The following SCN3B variants were observed in gnomAD, a reference collection of about 807,000 sequenced individuals.
The protein encoded by SCN3B is sodium voltage-gated channel beta subunit 3.
Under a neutral mutation model 25.4 loss-of-function variants are expected in SCN3B, and 11 were observed. The ratio of observed to expected loss-of-function variants is 0.43; its 90% CI spans 0.27 to 0.72. The LOEUF is 0.72. Ranked by LOEUF, SCN3B falls within the 30% of genes least tolerant of loss-of-function variation. SCN3B has a pLI of 0.18. For synonymous variants in SCN3B, 109 were observed against 110.7 expected (o/e 0.99, Z 0.09); for missense variants, 218 against 278.3 (o/e 0.78, Z 1.54).
At chr11:123,652,006 A>C (rs1257906069) in intron 2 of SCN3B, among the ~76,000 whole-genome samples, 1 of 152,108 alleles carries the variant, frequency 6.6e-6, no homozygotes, top group African/African-American at 2.4e-5. Context: ...CAAAGCTGAG[A>C]CTCCAATGCA....
At chr11:123,650,407 A>G (rs930331128) in intron 2 of SCN3B, among the ~76,000 whole-genome samples, 1 of 152,186 alleles carries the variant, frequency 6.6e-6, no homozygotes, top group African/African-American at 2.4e-5. Context: ...ATTTCCAAAA[A>G]GGGGTAATAA....
chr11:123,654,305 C>T lies in SCN3B; in HGVS notation c.-105G>A, dbSNP rs887935631. On this transcript the variant is annotated 5_prime_UTR_variant, in exon 1 of 7. Transcript: ENST00000299333. The stretch of plus-strand genomic sequence containing the variant: ...GCTCCTGCTTCGTCCGCCCTAACTG[C>T]TTCTCCAGCTGGGCGTGACCCCACT... 1 of 170,014 alleles carries T rather than the reference C, an allele frequency of 5.9e-6. No homozygotes were observed. Among genetic ancestry groups the T allele is most frequent in the East Asian group, 1.6e-4 (1 of 6,382 alleles). The allele number at this position is 170,014 out of a possible 1,614,324, so 10.5% of individuals were successfully genotyped here. A position where few individuals can be genotyped will look rare whatever the true frequency, so the allele number is the denominator to read the frequency against.
intron 5 of SCN3B, 55 bp downstream of exon 5, chr11:123,638,131 G>A: frequency 6.2e-7 from 1 of 1,605,518 alleles, no homozygotes; most frequent in Admixed American, 1.7e-5. Flanking sequence ...ACCTGTGAGA[G>A]CAAGCATTCT....
Position 123,634,107 on chromosome 11 carries a change from T to A in SCN3B, c.*22+14A>T, listed in dbSNP as rs1955700088. 4 of 1,599,356 alleles carry A rather than the reference T, an allele frequency of 2.5e-6. No homozygotes were observed. The South Asian group carries it at 4.4e-5, about 18-fold the overall frequency. On this transcript the variant is annotated intron_variant, in intron 6 of 6. Transcript: ENST00000299333. ...TCCACATCTGCCTTCCCCTCCCATG[T>A]TCCTGTAGGTCACCTCATGTCACAC...
At chr11:123,647,348 G>T (rs1475704366) in intron 2 of SCN3B, among the ~76,000 whole-genome samples, 1 of 152,024 alleles carries the variant, frequency 6.6e-6, no homozygotes, top group East Asian at 1.9e-4. Context: ...GCCAAACATG[G>T]TAACACACAA....
chr11:123,643,505 A>G (rs1955813718), intron 3 of SCN3B, among the ~76,000 whole-genome samples: 2 of 152,228 alleles, frequency 1.3e-5, no homozygotes, highest in African/African-American at 4.8e-5. Flanking sequence ...GTTAAATACA[A>G]TGTAAAATTC....
intron 2 of SCN3B, among the ~76,000 whole-genome samples, chr11:123,651,459 G>A (rs1224513296): frequency 1.3e-5 from 2 of 152,052 alleles, no homozygotes; most frequent in Non-Finnish European, 2.9e-5. Flanking sequence ...CACCTCCCAG[G>A]TTCAAGCAAT....
intron 5 of SCN3B, among the ~76,000 whole-genome samples, chr11:123,634,949 G>C (rs1955709281): frequency 6.6e-6 from 1 of 152,134 alleles, no homozygotes; most frequent in Non-Finnish European, 1.5e-5. Context: ...TTTGCTTATG[G>C]AGTCTTCTAA....
chr11:123,640,755 G>A (rs933772426), intron 4 of SCN3B: 11 of 152,196 alleles, frequency 7.2e-5, no homozygotes, highest in African/African-American at 2.2e-4. Flanking sequence ...ACTTGCATAT[G>A]ACCTCACTCA....
intron 3 of SCN3B, among the ~76,000 whole-genome samples, chr11:123,643,057 TAGAG>T (rs371926870): frequency 4.6e-4 from 70 of 152,082 alleles, no homozygotes; most frequent in African/African-American, 1.1e-3. Context: ...TGTAAAAAGA[TAGAG>T]AGAACAAGAG....
chr11:123,643,152 T>C (rs1052878393), intron 3 of SCN3B, among the ~76,000 whole-genome samples: 1 of 152,126 alleles, frequency 6.6e-6, no homozygotes, highest in African/African-American at 2.4e-5. Flanking sequence ...AATGAAGACA[T>C]ATGAAAGCCC....
intron 3 of SCN3B, among the ~76,000 whole-genome samples, chr11:123,644,710 A>G (rs12421510): frequency 0.096 from 14,304 of 149,064 alleles, 869 homozygotes; most frequent in East Asian, 0.18. Context: ...GGTGGAGGTT[A>G]CAGTAAGCGA....
chr11:123,638,713 A>G (rs1484401531), intron 4 of SCN3B: 1 of 324,642 alleles, frequency 3.1e-6, no homozygotes, highest in Non-Finnish European at 6.0e-6. Context: ...TGAATATTAC[A>G]TTATCTAATG....
At chr11:123,653,612 A>G (rs1955957439) in intron 2 of SCN3B, 135 bp downstream of exon 2, 10 of 997,966 alleles carry the variant, frequency 1.0e-5, no homozygotes, top group East Asian at 2.4e-5. Flanking sequence ...AACCCCTGCC[A>G]TCTCCATGTC....
Position 123,647,370 on chromosome 11 carries a change from A to G in SCN3B, c.56-1620T>C, listed in dbSNP as rs113118953. On this transcript the variant is annotated intron_variant, in intron 2 of 6. Transcript: ENST00000299333. ...ATGGTAACACACAACTGTAGTCCCAACCACTCAGGAGGTAAGAGGATTGCT... is the reference window on the plus strand; with the variant it reads ...ATGGTAACACACAACTGTAGTCCCAGCCACTCAGGAGGTAAGAGGATTGCT... Among the ~76,000 whole-genome samples, 412 of 152,240 alleles carry G rather than the reference A, an allele frequency of 2.7e-3. 2 individuals are homozygous for G. Among genetic ancestry groups the G allele is most frequent in the East Asian group, 0.016 (83 of 5,174 alleles).
chr11:123,642,222 C>A lies in SCN3B; in HGVS notation c.445+224G>T, dbSNP rs900135278. Among the ~76,000 whole-genome samples the A allele has an allele frequency of 6.6e-6, 1 of 152,182 alleles. No individual in the cohort carries two copies. The highest frequency in any genetic ancestry group is 1.5e-5 in the Non-Finnish European group (1 of 68,038). ...AGAGCTCATTCTATCATCTCCAAGC[C>A]TTTCTGCTTTGAGGAAAGGCACAGA... is the stretch of plus-strand genomic sequence containing the variant. On this transcript the variant is annotated intron_variant, in intron 4 of 6. Coordinates refer to ENST00000299333, the MANE Select transcript of SCN3B (RefSeq NM_001040151.2). This position sits in a 1 kb window ranked among gnomAD's most constrained non-coding sequence, Gnocchi z 4.3.
At chr11:123,645,883 G>T in intron 2 of SCN3B, 133 bp from the exon 3 acceptor site, 1 of 923,760 alleles carries the variant, frequency 1.1e-6, no homozygotes, top group Non-Finnish European at 1.7e-6. Flanking sequence ...CCTGAAAAAA[G>T]CCACGTGCAC....
intron 2 of SCN3B, among the ~76,000 whole-genome samples, 179 bp downstream of exon 2, chr11:123,653,568 C>A (rs1022029098): frequency 2.0e-5 from 3 of 152,034 alleles, no homozygotes; most frequent in Admixed American, 2.0e-4. Flanking sequence ...GGTGGGGAGG[C>A]GCCTTTCCCA....
rs1464871943 is a variant in SCN3B at position 123,631,913 on chromosome 11, TTTAAGGTAAAGCCC to T, written c.*1872_*1885del. 6.6e-6 allele frequency: 1 copy of T among 152,168 alleles called. No individual in the cohort carries two copies. Among genetic ancestry groups the T allele is most frequent in the Non-Finnish European group, 1.5e-5 (1 of 68,028 alleles). The allele number at this position is 152,168 out of a possible 1,614,324, so 9.4% of individuals were successfully genotyped here. A position where few individuals can be genotyped will look rare whatever the true frequency, so the allele number is the denominator to read the frequency against. On this transcript the variant is annotated 3_prime_UTR_variant, in exon 7 of 7. Coordinates refer to ENST00000299333, the MANE Select transcript of SCN3B (RefSeq NM_001040151.2). ...GATGGAAGAATGAAAAAAATGAGCT[TTTAAGGTAAAGCCC>T]TAAACCTATGGAATATGGTCTTTCC...
Sources: gnomAD v4.1 joint callset for allele counts (sites outside exome capture counted in the v4.1 genomes callset) on GRCh38, gnomAD v4.1.1 for gene constraint, Gnocchi (gnomAD v3.1) non-coding constraint, MANE v1.5 for transcripts, NCBI Gene and HGNC (gene_info 2026-07-23, HGNC 2026-07-21) for gene names.